The following USP17L2 variants were observed in gnomAD, a reference collection of about 807,000 sequenced individuals.
USP17L2 encodes ubiquitin specific peptidase 17 like family member 2.
In USP17L2, 29 loss-of-function variants were observed where a neutral mutation model predicts 39.8. That is an observed-to-expected ratio of 0.73 (90% CI 0.54 to 0.99). USP17L2 has a LOEUF of 0.99. Ranked by LOEUF, USP17L2 falls within the 50% of genes least tolerant of loss-of-function variation. USP17L2 has a pLI of 0.00. For missense variants in USP17L2, 567 were observed against 647.2 expected (o/e 0.88, Z 1.35); for synonymous variants, 231 against 252.7 (o/e 0.91, Z 0.81).
In USP17L2 at chr8:12,137,397, A is replaced by G. The variant is rs1803279057; in HGVS notation, c.1364T>C (p.Val455Ala). ...TACGTTGGGAGGCAGGGTACCTTCG[A>G]CTTTTCTGACGTTGAACTCAGGCTT... Reference protein sequence around the residue: ...KTKPEFNVRKVEGTLPPNVLV... With the variant: ...KTKPEFNVRKAEGTLPPNVLV... Residue 455 changes from valine to alanine, a missense_variant, in exon 1 of 1, where the codon GTC (valine) becomes GCC (alanine). By Grantham distance (64) the Val-to-Ala change is moderately conservative. Around this residue, in one of 6 missense-constraint regions of USP17L2, gnomAD observed 304 missense variants for 254.7 expected, o/e 1.19. Coordinates refer to ENST00000333796, the MANE Select transcript of USP17L2 (RefSeq NM_201402.3). 8 of 1,531,940 alleles carry G rather than the reference A, an allele frequency of 5.2e-6. 1 individual carries two copies. In the East Asian group the frequency reaches 1.8e-4, roughly 35 times the overall value. The allele number at this position is 1,531,940 out of a possible 1,614,324, so 94.9% of individuals were successfully genotyped here.
At position 12,137,064 on chromosome 8, in the gene USP17L2, C is replaced by T. The variant is rs756949529; in HGVS notation, c.*104G>A. 1.6e-5 allele frequency: 21 copies of T among 1,303,380 alleles called. 2 individuals are homozygous for T. The highest frequency in any genetic ancestry group is 5.5e-5 in the East Asian group (2 of 36,078). 80.7% of individuals were successfully genotyped at this position (1,303,380 alleles called of 1,614,324 possible). ...TACTTTATGTAGGATTGACGGTGTTCGTGTTTGTGTGTGTGTGTGTGTTTG... is the reference window on the plus strand; with the variant it reads ...TACTTTATGTAGGATTGACGGTGTTTGTGTTTGTGTGTGTGTGTGTGTTTG... On this transcript the variant is annotated 3_prime_UTR_variant, in exon 1 of 1. Coordinates refer to ENST00000333796, the MANE Select transcript of USP17L2 (RefSeq NM_201402.3).
At position 12,136,505 on chromosome 8, in the gene USP17L2, C is replaced by T. The variant is rs1803220912; in HGVS notation, c.*663G>A. 7.1e-6 allele frequency among the ~76,000 whole-genome samples: 1 copy of T among 140,370 alleles called. No homozygotes were observed. The highest frequency in any genetic ancestry group is 1.5e-5 in the Non-Finnish European group (1 of 64,900). The allele number at this position is 140,370 out of a possible 152,430, so 92.1% of individuals were successfully genotyped here. A position where few individuals can be genotyped will look rare whatever the true frequency, so the allele number is the denominator to read the frequency against. On this transcript the variant is annotated 3_prime_UTR_variant, in exon 1 of 1. Transcript: ENST00000333796. ...CTGACATGCCAGTGGGAAAATTTTCCATTTCGACTCATTGGAATTGGACAT... is the reference window on the plus strand; with the variant it reads ...CTGACATGCCAGTGGGAAAATTTTCTATTTCGACTCATTGGAATTGGACAT...
At position 12,137,164 on chromosome 8, in the gene USP17L2, G is replaced by T. The variant is rs1803261648; in HGVS notation, c.*4C>A. 1 of 1,530,490 alleles carries T rather than the reference G, an allele frequency of 6.5e-7. No individual in the cohort carries two copies. Among genetic ancestry groups the T allele is most frequent in the Non-Finnish European group, 8.8e-7 (1 of 1,134,990 alleles). 94.8% of individuals were successfully genotyped at this position (1,530,490 alleles called of 1,614,324 possible). A position where few individuals can be genotyped will look rare whatever the true frequency, so the allele number is the denominator to read the frequency against. ...CTACGTGTGGGTCGGCACTTCCACT[G>T]AGATCACTGGCACACAAGCAGAGCC... On this transcript the variant is annotated 3_prime_UTR_variant, in exon 1 of 1. Coordinates refer to ENST00000333796, the MANE Select transcript of USP17L2 (RefSeq NM_201402.3).
Position 12,137,503 on chromosome 8 carries a change from A to C in USP17L2, c.1258T>G (p.Leu420Val). The change falls in exon 1 of 1, where the codon TTG becomes GTG. Residue 420 changes from leucine (L) to valine (V), a missense_variant. Transcript: ENST00000333796. ...RDHPCLQAPELDERLVERATQ... is the reference protein window; with the variant it reads ...RDHPCLQAPEVDERLVERATQ... ...GCTCTTTCCACCAAGCGCTCGTCCA[A>C]CTCGGGTGCCTGGAGGCAGGGGTGG... 1 of 1,532,052 alleles carries C rather than the reference A, an allele frequency of 6.5e-7. No homozygotes were observed. The highest frequency in any genetic ancestry group is 8.8e-7 in the Non-Finnish European group (1 of 1,134,878). The allele number at this position is 1,532,052 out of a possible 1,614,324, so 94.9% of individuals were successfully genotyped here.
chr8:12,137,581 G>A lies in USP17L2; in HGVS notation c.1180C>T (p.Leu394Phe), dbSNP rs771401204. 10 of 1,530,610 alleles carry A rather than the reference G, an allele frequency of 6.5e-6. 1 individual carries two copies. The highest frequency in any genetic ancestry group is 8.8e-6 in the Non-Finnish European group (10 of 1,132,712). The allele number at this position is 1,530,610 out of a possible 1,614,324, so 94.8% of individuals were successfully genotyped here. A position where few individuals can be genotyped will look rare whatever the true frequency, so the allele number is the denominator to read the frequency against. ...CGCCTGTCTGTGTCTTCAGCGCCGA[G>A]GGCTCTTGGTTCCCTGCCTCTTGAC... ...SVSRGREPRALGAEDTDRRAT... is the reference protein window; with the variant it reads ...SVSRGREPRAFGAEDTDRRAT... The change falls in exon 1 of 1, where the codon CTC becomes TTC. Residue 394 changes from leucine (L) to phenylalanine (F), a missense_variant. By Grantham distance (22) the Leu-to-Phe change is conservative (BLOSUM62 0). Around this residue, in one of 6 missense-constraint regions of USP17L2, gnomAD observed 304 missense variants for 254.7 expected, o/e 1.19. Transcript: ENST00000333796.
Position 12,137,935 on chromosome 8 carries a change from G to C in USP17L2, c.826C>G (p.Leu276Val), listed in dbSNP as rs536078447. ...GAGAATCTCTTCAAGACAAGGATGA[G>C]GACCTTGGCAGAAGTGTGTAAAGTT... ...TLTLHTSAKV[L>V]ILVLKRFSDV... The change falls in exon 1 of 1, where the codon CTC becomes GTC. Residue 276 changes from leucine to valine, a missense_variant. By Grantham distance (32) the Leu-to-Val change is conservative. Around this residue, in one of 6 missense-constraint regions of USP17L2, gnomAD observed 65 missense variants for 84.8 expected, o/e 0.77. Transcript: ENST00000333796. The C allele has an allele frequency of 2.9e-5, 44 of 1,530,010 alleles. 3 individuals carry two copies. In the African/African-American group the frequency reaches 6.0e-4, roughly 21 times the overall value. 94.8% of individuals were successfully genotyped at this position (1,530,010 alleles called of 1,614,324 possible).
At position 12,137,106 on chromosome 8, in the gene USP17L2, T is replaced by A; in HGVS notation, c.*62A>T. On this transcript the variant is annotated 3_prime_UTR_variant, in exon 1 of 1. Transcript: ENST00000333796. ...GTGTGTTTGCGTGCGCGCTTGTGGG[T>A]GTATTTGTGCGTGTGTGTGTGTGCG... 6.8e-7 allele frequency: 1 copy of A among 1,465,722 alleles called. No homozygotes were observed. The highest frequency in any genetic ancestry group is 9.3e-7 in the Non-Finnish European group (1 of 1,077,602). 90.8% of individuals were successfully genotyped at this position (1,465,722 alleles called of 1,614,324 possible).
In USP17L2 at chr8:12,137,284, T is replaced by G. The variant is rs1309684511; in HGVS notation, c.1477A>C (p.Thr493Pro). 3 of 1,530,816 alleles carry G rather than the reference T, an allele frequency of 2.0e-6. No individual in the cohort carries two copies. Among genetic ancestry groups the G allele is most frequent in the Non-Finnish European group, 2.6e-6 (3 of 1,135,128 alleles). The allele number at this position is 1,530,816 out of a possible 1,614,324, so 94.8% of individuals were successfully genotyped here. A position where few individuals can be genotyped will look rare whatever the true frequency, so the allele number is the denominator to read the frequency against. The change falls in exon 1 of 1, where the codon ACC (threonine) becomes CCC (proline). Residue 493 changes from threonine (T) to proline (P), a missense_variant. By Grantham distance (38) the Thr-to-Pro change is conservative. Coordinates refer to ENST00000333796, the MANE Select transcript of USP17L2 (RefSeq NM_201402.3). Reference sequence around the variant, plus strand: ...TTCACGGACTCCTGATCTGTCCGGGTCGTCGAAGAGAGGTTTAGCAGGGAG... The same window carrying G: ...TTCACGGACTCCTGATCTGTCCGGGGCGTCGAAGAGAGGTTTAGCAGGGAG... ...QSSLLNLSST[T>P]RTDQESVNTG...
chr8:12,138,629 TGA>T, the USP17L2 span: 1 of 1,529,534 alleles, frequency 6.5e-7, no homozygotes, highest in Admixed American at 1.8e-5. Flanking sequence ...GGGCCTCAGA[TGA>T]GAGTGGTGAC....
rs758551478 is a variant in USP17L2 at position 12,138,447 on chromosome 8, G to C, written c.314C>G (p.Ala105Gly). 6.5e-7 allele frequency: 1 copy of C among 1,538,248 alleles called. No individual in the cohort carries two copies. The highest frequency in any genetic ancestry group is 8.8e-7 in the Non-Finnish European group (1 of 1,136,596). The change falls in exon 1 of 1, where the codon GCC (alanine) becomes GGC (glycine). Residue 105 changes from alanine to glycine, a missense_variant. Ala to Gly is a moderately conservative substitution (Grantham distance 60). Transcript: ENST00000333796. Reference sequence around the variant, plus strand: ...GTGCTCCCGGGACAGCATGTAGTTGGCAAGGGGCGGTGTGTATGTCAGGCA... The same window carrying C: ...GTGCTCCCGGGACAGCATGTAGTTGCCAAGGGGCGGTGTGTATGTCAGGCA... ...LQCLTYTPPLANYMLSREHSQ... is the reference protein window; with the variant it reads ...LQCLTYTPPLGNYMLSREHSQ...
In USP17L2 at chr8:12,136,669, C is replaced by T. The variant is rs1803232085; in HGVS notation, c.*499G>A. On this transcript the variant is annotated 3_prime_UTR_variant, in exon 1 of 1. Transcript: ENST00000333796. The stretch of plus-strand genomic sequence containing the variant: ...AGGGTAAGAAAGAAGAGCACCGTTC[C>T]TATCTTCTAAATGCATTCCAGTTTC... Among the ~76,000 whole-genome samples the T allele has an allele frequency of 7.1e-6, 1 of 140,358 alleles. No homozygotes were observed. The highest frequency in any genetic ancestry group is 1.5e-5 in the Non-Finnish European group (1 of 64,872). 92.1% of individuals were successfully genotyped at this position (140,358 alleles called of 152,430 possible).
Position 12,138,724 on chromosome 8 carries a change from G to T in USP17L2, c.37C>A (p.Gln13Lys). The T allele has an allele frequency of 2.1e-6, 3 of 1,423,352 alleles. 1 individual carries two copies. The South Asian group carries it at 3.8e-5, about 18-fold the overall frequency. The allele number at this position is 1,423,352 out of a possible 1,614,324, so 88.2% of individuals were successfully genotyped here. A position where few individuals can be genotyped will look rare whatever the true frequency, so the allele number is the denominator to read the frequency against. The change falls in exon 1 of 1, where the codon CAG becomes AAG. Residue 13 changes from glutamine to lysine, a missense_variant. Physicochemically the swap from Gln to Lys is moderately conservative, Grantham distance 53. This residue lies in a region of USP17L2 where 120 missense variants were observed against 111.0 expected (regional missense o/e 1.08). Coordinates refer to ENST00000333796, the MANE Select transcript of USP17L2 (RefSeq NM_201402.3). ...DDSLYLGGEW[Q>K]FNHFSKLTSS... ...GTGAGTTTTGAAAAGTGGTTGAACT[G>T]CCACTCACCTCCCAAGTAGAGTGAG...
In USP17L2 at chr8:12,137,725, A is replaced by G. The variant is rs1302832642; in HGVS notation, c.1036T>C (p.Trp346Arg). The change falls in exon 1 of 1, where the codon TGG becomes CGG. Residue 346 changes from tryptophan to arginine, a missense_variant. By Grantham distance (101) the Trp-to-Arg change is moderately radical. This residue lies in a region of USP17L2 where 304 missense variants were observed against 254.7 expected (regional missense o/e 1.19). Transcript: ENST00000333796. Reference sequence around the variant, plus strand: ...ACCTTGGCATCATCCATTTTATACCACTGGCCTTCTTGAGCTTTGACATAA... The same window carrying G: ...ACCTTGGCATCATCCATTTTATACCGCTGGCCTTCTTGAGCTTTGACATAA... ...FSYVKAQEGQ[W>R]YKMDDAKVTA... 2 of 1,530,364 alleles carry G rather than the reference A, an allele frequency of 1.3e-6. No homozygotes were observed. Among genetic ancestry groups the G allele is most frequent in the Non-Finnish European group, 1.8e-6 (2 of 1,132,746 alleles). 94.8% of individuals were successfully genotyped at this position (1,530,364 alleles called of 1,614,324 possible).
At position 12,137,141 on chromosome 8, in the gene USP17L2, A is replaced by C. The variant is rs751608514; in HGVS notation, c.*27T>G. 14 of 1,524,540 alleles carry C rather than the reference A, an allele frequency of 9.2e-6. 1 individual carries two copies. Among genetic ancestry groups the C allele is most frequent in the East Asian group, 5.3e-5 (2 of 38,092 alleles). 94.4% of individuals were successfully genotyped at this position (1,524,540 alleles called of 1,614,324 possible). A position where few individuals can be genotyped will look rare whatever the true frequency, so the allele number is the denominator to read the frequency against. ...CGTGTGTGTGTGTGCGTTCACCCCT[A>C]CGTGTGGGTCGGCACTTCCACTGAG... On this transcript the variant is annotated 3_prime_UTR_variant, in exon 1 of 1. Coordinates refer to ENST00000333796, the MANE Select transcript of USP17L2 (RefSeq NM_201402.3).
At position 12,138,330 on chromosome 8, in the gene USP17L2, T is replaced by A. The variant is rs1451108641; in HGVS notation, c.431A>T (p.Gln144Leu). ...GCCAGCAGCCAATGCCTGTGAGGGC[T>A]GGATGACATGACCAGGACTGTGGAG... ...WALHSPGHVI[Q>L]PSQALAAGFH... Residue 144 changes from glutamine to leucine, a missense_variant, in exon 1 of 1, where the codon CAG becomes CTG. Transcript: ENST00000333796. The A allele has an allele frequency of 1.4e-5, 21 of 1,518,496 alleles. 3 individuals carry two copies. Among genetic ancestry groups the A allele is most frequent in the Non-Finnish European group, 1.9e-5 (21 of 1,122,110 alleles). The allele number at this position is 1,518,496 out of a possible 1,614,324, so 94.1% of individuals were successfully genotyped here.
chr8:12,136,557 G>A lies in USP17L2; in HGVS notation c.*611C>T, dbSNP rs1165104107. ...GTGAAACAGGCAAGTCGGTCTGTCT[G>A]TTTCCGGCGTTATGTGGGTTCCAGC... On this transcript the variant is annotated 3_prime_UTR_variant, in exon 1 of 1. Transcript: ENST00000333796. Among the ~76,000 whole-genome samples the A allele has an allele frequency of 7.1e-6, 1 of 140,508 alleles. No individual in the cohort carries two copies. The highest frequency in any genetic ancestry group is 1.5e-5 in the Non-Finnish European group (1 of 64,928). 92.2% of individuals were successfully genotyped at this position (140,508 alleles called of 152,430 possible).
In USP17L2 at chr8:12,137,093, G is replaced by C; in HGVS notation, c.*75C>G. The C allele has an allele frequency of 7.0e-7, 1 of 1,425,272 alleles. No individual in the cohort carries two copies. The highest frequency in any genetic ancestry group is 9.6e-7 in the Non-Finnish European group (1 of 1,042,276). 88.3% of individuals were successfully genotyped at this position (1,425,272 alleles called of 1,614,324 possible). A position where few individuals can be genotyped will look rare whatever the true frequency, so the allele number is the denominator to read the frequency against. On this transcript the variant is annotated 3_prime_UTR_variant, in exon 1 of 1. Coordinates refer to ENST00000333796, the MANE Select transcript of USP17L2 (RefSeq NM_201402.3). Reference sequence around the variant, plus strand: ...TTTGTGTGTGTGTGTGTGTTTGCGTGCGCGCTTGTGGGTGTATTTGTGCGT... The same window carrying C: ...TTTGTGTGTGTGTGTGTGTTTGCGTCCGCGCTTGTGGGTGTATTTGTGCGT...
In USP17L2 at chr8:12,138,712, A is replaced by G. The variant is rs1206028289; in HGVS notation, c.49T>C (p.Phe17Leu). ...GGCCGAGAAGATGTGAGTTTTGAAA[A>G]GTGGTTGAACTGCCACTCACCTCCC... ...YLGGEWQFNH[F>L]SKLTSSRPDA... is the part of the protein sequence containing the mutation. Residue 17 changes from phenylalanine to leucine, a missense_variant, in exon 1 of 1, where the codon TTT (phenylalanine) becomes CTT (leucine). Physicochemically the swap from Phe to Leu is conservative, Grantham distance 22. Transcript: ENST00000333796. The G allele has an allele frequency of 2.1e-6, 3 of 1,448,832 alleles. 1 individual carries two copies. Among genetic ancestry groups the G allele is most frequent in the South Asian group, 1.3e-5 (1 of 79,558 alleles). 89.7% of individuals were successfully genotyped at this position (1,448,832 alleles called of 1,614,324 possible). A position where few individuals can be genotyped will look rare whatever the true frequency, so the allele number is the denominator to read the frequency against.
rs1444778109 is a variant in USP17L2, at chr8:12,137,826, G to A, written c.935C>T (p.Thr312Ile). ...DMQPYMSQQN[T>I]GPLVYVLYAV... ...ATAGAGGACATAGACAAGAGGTCCTGTGTTCTGCTGAGACATGTATGGCTG... is the reference window on the plus strand; with the variant it reads ...ATAGAGGACATAGACAAGAGGTCCTATGTTCTGCTGAGACATGTATGGCTG... The change falls in exon 1 of 1, where the codon ACA (threonine) becomes ATA (isoleucine). Residue 312 changes from threonine to isoleucine, a missense_variant. Thr to Ile is a moderately conservative substitution (Grantham distance 89). Transcript: ENST00000333796. The A allele has an allele frequency of 4.1e-6, 6 of 1,472,146 alleles. No homozygotes were observed. The highest frequency in any genetic ancestry group is 5.6e-6 in the Non-Finnish European group (6 of 1,079,736). 91.2% of individuals were successfully genotyped at this position (1,472,146 alleles called of 1,614,324 possible).
Sources: allele counts gnomAD v4.1 joint callset (sites outside exome capture counted in the v4.1 genomes callset), GRCh38; gene constraint gnomAD v4.1.1; regional missense constraint gnomAD v4.1.1; transcripts MANE v1.5; gene names NCBI Gene and HGNC (gene_info 2026-07-23, HGNC 2026-07-21).